Variants in CCSER1 observed in about 807,000 individuals in gnomAD.
CCSER1 encodes the protein serine-rich coiled-coil domain-containing protein 1.
Under a neutral mutation model 82.0 loss-of-function variants are expected in CCSER1, and 41 were observed. The ratio of observed to expected loss-of-function variants is 0.50; its 90% CI spans 0.39 to 0.65. The LOEUF (loss-of-function observed/expected upper bound fraction) is 0.65, where lower values mean the gene tolerates loss of function less well. Among genes scored for constraint, CCSER1 ranks in the 30% least tolerant of loss-of-function variants. The pLI is 0.00. For synonymous variants in CCSER1, 414 were observed against 383.9 expected (o/e 1.08, Z -0.92); for missense variants, 1,119 against 1,064.2 (o/e 1.05, Z -0.72).
intron 10 of CCSER1, among the ~76,000 whole-genome samples, chr4:91,312,568 A>G (rs1355970224): frequency 6.6e-6 from 1 of 151,858 alleles, no homozygotes; most frequent in Non-Finnish European, 1.5e-5. Context: ...AGTACAAACT[A>G]AAAAAGTGCC....
At chr4:90,261,895 T>C (rs769857718) in intron 1 of CCSER1, among the ~76,000 whole-genome samples, 14 of 152,172 alleles carry the variant, frequency 9.2e-5, no homozygotes, top group Non-Finnish European at 1.5e-4. Flanking sequence ...GTTGAAACTT[T>C]CTGTTACATT....
At chr4:91,264,470 G>T (rs539705721) in intron 10 of CCSER1, among the ~76,000 whole-genome samples, 3 of 151,816 alleles carry the variant, frequency 2.0e-5, no homozygotes, top group African/African-American at 4.8e-5. Flanking sequence ...ATAAAACAGA[G>T]AATTTTTGGA....
chr4:90,538,204 G>T (rs1775659927), intron 5 of CCSER1, among the ~76,000 whole-genome samples: 1 of 151,982 alleles, frequency 6.6e-6, no homozygotes, highest in African/African-American at 2.4e-5. Flanking sequence ...AGTAGGGATG[G>T]GGCTGGGGGT....
intron 7 of CCSER1, among the ~76,000 whole-genome samples, chr4:90,811,552 T>A (rs1333726252): frequency 6.6e-6 from 1 of 152,172 alleles, no homozygotes; most frequent in African/African-American, 2.4e-5. Context: ...ACTTAGACTG[T>A]CAATGTGGAA....
At position 90,313,065 on chromosome 4, in the gene CCSER1, T is replaced by C; in HGVS notation, c.1509+18T>C. 1 of 1,560,386 alleles carries C rather than the reference T, an allele frequency of 6.4e-7. No homozygotes were observed. Among genetic ancestry groups the C allele is most frequent in the Non-Finnish European group, 8.8e-7 (1 of 1,142,402 alleles). On this transcript the variant is annotated intron_variant, in intron 3 of 10. Coordinates refer to ENST00000509176, the MANE Select transcript of CCSER1 (RefSeq NM_001145065.2). ...ACAGTTTGGTAAGTATATACATATG[T>C]CTGCCTCTAATAAAATAATGCTGTC...
intron 10 of CCSER1, among the ~76,000 whole-genome samples, chr4:91,190,963 T>C (rs1041021993): frequency 1.1e-4 from 17 of 152,202 alleles, no homozygotes; most frequent in Non-Finnish European, 1.5e-5. Context: ...CCCACCTGGT[T>C]GTTATCAGGA....
intron 8 of CCSER1, among the ~76,000 whole-genome samples, chr4:90,885,276 T>C (rs991184931): frequency 2.6e-5 from 4 of 152,104 alleles, no homozygotes; most frequent in Non-Finnish European, 4.4e-5. Context: ...AGAAAGAGCA[T>C]ACCTGCTGAA....
rs1219356561 is a variant in CCSER1, at chr4:91,013,939, TTTGTTG to T, written c.2173-71996_2173-71991del. Among the ~76,000 whole-genome samples the T allele has an allele frequency of 3.8e-5, 5 of 131,884 alleles. 1 individual carries two copies. The highest frequency in any genetic ancestry group is 5.3e-5 in the Non-Finnish European group (3 of 56,766). The allele number at this position is 131,884 out of a possible 152,430, so 86.5% of individuals were successfully genotyped here. On this transcript the variant is annotated intron_variant, in intron 9 of 10. Coordinates refer to ENST00000509176, the MANE Select transcript of CCSER1 (RefSeq NM_001145065.2). ...CCGGGCACACTTTTTTGTTTTTGTT[TTTGTTG>T]TTGTTGTTGTTGTTTTGTATTTCTG...
At chr4:90,292,747 T>C (rs1731154922) in intron 1 of CCSER1, among the ~76,000 whole-genome samples, 1 of 151,952 alleles carries the variant, frequency 6.6e-6, no homozygotes, top group Admixed American at 6.6e-5. Flanking sequence ...ATGCTGACTT[T>C]CAGTTCTATT....
chr4:90,670,156 T>TTA (rs1034453566), intron 6 of CCSER1, among the ~76,000 whole-genome samples: 14 of 152,182 alleles, frequency 9.2e-5, no homozygotes, highest in Admixed American at 7.2e-4. Context: ...ATGGAATCTA[T>TTA]TAAAGTCTCG....
chr4:91,523,140 T>C (rs542137559), intron 10 of CCSER1, among the ~76,000 whole-genome samples: 31 of 151,662 alleles, frequency 2.0e-4, no homozygotes, highest in African/African-American at 7.5e-4. Flanking sequence ...ATAATGTGGT[T>C]TTGTCGTTTA....
At chr4:90,650,428 G>T (rs575229658) in intron 6 of CCSER1, among the ~76,000 whole-genome samples, 2 of 152,198 alleles carry the variant, frequency 1.3e-5, no homozygotes, top group South Asian at 4.1e-4. Context: ...GGATAGTTTG[G>T]ACACCAGACT....
intron 1 of CCSER1, among the ~76,000 whole-genome samples, chr4:90,207,205 A>T (rs1739026621): frequency 6.6e-6 from 1 of 151,930 alleles, no homozygotes; most frequent in African/African-American, 2.4e-5. Flanking sequence ...TAATATTGTT[A>T]TGTGTGATCT....
chr4:90,876,935 T>C (rs1767287639), intron 8 of CCSER1, among the ~76,000 whole-genome samples: 1 of 152,140 alleles, frequency 6.6e-6, no homozygotes, highest in African/African-American at 2.4e-5. Context: ...AATTTCTTTG[T>C]TTCATGTATG....
chr4:90,390,315 G>T (rs1159326109), intron 3 of CCSER1, among the ~76,000 whole-genome samples: 1 of 152,052 alleles, frequency 6.6e-6, no homozygotes, highest in African/African-American at 2.4e-5. Context: ...TGAATATTCG[G>T]GGGTACATGC....
intron 1 of CCSER1, among the ~76,000 whole-genome samples, chr4:90,206,424 C>T (rs987314247): frequency 6.6e-6 from 1 of 152,060 alleles, no homozygotes; most frequent in Non-Finnish European, 1.5e-5. Context: ...TTTCAAAGAA[C>T]TTATTTATTT....
chr4:90,312,836 C>G lies in CCSER1; in HGVS notation c.1325-27C>G, dbSNP rs115219329. On this transcript the variant is annotated intron_variant, in intron 2 of 10. Transcript: ENST00000509176. ...AAAACTACATTTAAATATTTACCTT[C>G]ATTTTTATTTATTTTCCTTTCCATA... 1.0e-3 allele frequency: 1,470 copies of G among 1,467,362 alleles called. 14 individuals carry two copies. In the African/African-American group the frequency reaches 0.019, roughly 19 times the overall value. 90.9% of individuals were successfully genotyped at this position (1,467,362 alleles called of 1,614,324 possible).
intron 1 of CCSER1, among the ~76,000 whole-genome samples, chr4:90,179,752 A>T (rs1247344551): frequency 6.6e-6 from 1 of 151,672 alleles, no homozygotes; most frequent in Non-Finnish European, 1.5e-5. Flanking sequence ...ACACAATCTG[A>T]TGCTTTTATT....
chr4:90,205,606 T>C (rs957975721), intron 1 of CCSER1, among the ~76,000 whole-genome samples: 3 of 152,200 alleles, frequency 2.0e-5, no homozygotes, highest in African/African-American at 7.2e-5. Flanking sequence ...TGCCAATATT[T>C]TATTGAGGAT....
Sources: gnomAD v4.1 joint callset for allele counts (sites outside exome capture counted in the v4.1 genomes callset) on GRCh38, gnomAD v4.1.1 for gene constraint, MANE v1.5 for transcripts, NCBI Gene and HGNC (gene_info 2026-07-23, HGNC 2026-07-21) for gene names.